PRRX1: variants seen among roughly 807,000 people sequenced by gnomAD.
PRRX1 encodes the protein paired related homeobox 1.
In PRRX1, 8 loss-of-function variants were observed where a neutral mutation model predicts 24.0. That is an observed-to-expected ratio of 0.33 (90% confidence interval 0.20 to 0.60). The LOEUF (loss-of-function observed/expected upper bound fraction) is 0.60. Among genes scored for constraint, PRRX1 ranks in the 20% least tolerant of loss-of-function variants. The pLI is 0.82. For missense variants in PRRX1, 281 were observed against 322.4 expected (o/e 0.87, Z 0.98); for synonymous variants, 160 against 131.7 (o/e 1.22, Z -1.47).
intron 1 of PRRX1, among the ~76,000 whole-genome samples, chr1:170,695,901 A>G (rs1299411932): frequency 6.6e-6 from 1 of 152,082 alleles, no homozygotes; most frequent in East Asian, 1.9e-4. Context: ...TGCATAGCAC[A>G]TGCTTGGAGC....
chr1:170,725,204 T>C (rs1444986419), intron 2 of PRRX1, among the ~76,000 whole-genome samples: 1 of 152,192 alleles, frequency 6.6e-6, no homozygotes, highest in Non-Finnish European at 1.5e-5. Flanking sequence ...GTTTTCTAGA[T>C]ACAGGATCAG....
rs1241390485 is a variant in PRRX1, at chr1:170,726,295, C to A, written c.493C>A (p.Leu165Ile). ...GCTAGCCAATAAAAACGCTTCCCTCCTCAAATCCTACTCAGGAGACGTGAC... is the reference window on the plus strand; with the variant it reads ...GCTAGCCAATAAAAACGCTTCCCTCATCAAATCCTACTCAGGAGACGTGAC... ...AMLANKNASLLKSYSGDVTAV... is the reference protein window; with the variant it reads ...AMLANKNASLIKSYSGDVTAV... The change falls in exon 3 of 4, where the codon CTC (leucine) becomes ATC (isoleucine). Residue 165 changes from leucine to isoleucine, a missense_variant. Physicochemically the swap from Leu to Ile is conservative, Grantham distance 5. Coordinates refer to ENST00000239461, the MANE Select transcript of PRRX1 (RefSeq NM_022716.4). The A allele has an allele frequency of 6.2e-7, 1 of 1,614,072 alleles. No individual in the cohort carries two copies.
At chr1:170,696,425 C>T (rs968118120) in intron 1 of PRRX1, among the ~76,000 whole-genome samples, 1 of 152,076 alleles carries the variant, frequency 6.6e-6, no homozygotes, top group African/African-American at 2.4e-5. Context: ...GAAAAGATAA[C>T]ATAAGGTGCA....
chr1:170,737,978 T>C lies in PRRX1; in HGVS notation c.*1792T>C, dbSNP rs950823625. The C allele has an allele frequency of 9.2e-6, 2 of 218,298 alleles. No homozygotes were observed. Among genetic ancestry groups the C allele is most frequent in the African/African-American group, 4.5e-5 (2 of 44,534 alleles). The allele number at this position is 218,298 out of a possible 1,614,324, so 13.5% of individuals were successfully genotyped here. A position where few individuals can be genotyped will look rare whatever the true frequency, so the allele number is the denominator to read the frequency against. On this transcript the variant is annotated 3_prime_UTR_variant, in exon 4 of 4. Transcript: ENST00000239461. ...GCCTTGTTTTCTAGTAAGAAAATGC[T>C]ACCTTGCTGTACATACTTATAACCT...
At chr1:170,715,715 G>A (rs2101914443) in intron 1 of PRRX1, among the ~76,000 whole-genome samples, 1 of 152,314 alleles carries the variant, frequency 6.6e-6, no homozygotes, top group Middle Eastern at 3.4e-3. Flanking sequence ...AAAGAAGAAT[G>A]CAAGAACATC....
intron 1 of PRRX1, among the ~76,000 whole-genome samples, chr1:170,703,424 C>CA (rs1426932849): frequency 2.6e-5 from 4 of 152,112 alleles, no homozygotes; most frequent in African/African-American, 9.7e-5. Context: ...AGGTTCTTAG[C>CA]AAGTAGTTAG....
At position 170,691,224 on chromosome 1, in the gene PRRX1, G is replaced by A. The variant is rs115090303; in HGVS notation, c.241+26765G>A. On this transcript the variant is annotated intron_variant, in intron 1 of 3. Transcript: ENST00000239461. Reference sequence around the variant, plus strand: ...ATAAATGAAAGAAATAAAGCAGATGGGTTGCATGTTTGCAACCAAAGAGTG... The same window carrying A: ...ATAAATGAAAGAAATAAAGCAGATGAGTTGCATGTTTGCAACCAAAGAGTG... Among the ~76,000 whole-genome samples the A allele has an allele frequency of 7.7e-3, 1,177 of 152,144 alleles. 16 individuals are homozygous for A. Among genetic ancestry groups the A allele is most frequent in the African/African-American group, 0.027 (1,115 of 41,504 alleles).
intron 3 of PRRX1, among the ~76,000 whole-genome samples, chr1:170,733,149 G>A (rs780042748): frequency 2.6e-5 from 4 of 152,118 alleles, no homozygotes; most frequent in Non-Finnish European, 4.4e-5. Context: ...TCCAAGAAAT[G>A]TGTTACCCTG....
Position 170,737,823 on chromosome 1 carries a change from T to C in PRRX1, c.*1637T>C, listed in dbSNP as rs1655672422. On this transcript the variant is annotated 3_prime_UTR_variant, in exon 4 of 4. Transcript: ENST00000239461. ...ATAATACTTACCTACCTCACAGGGG[T>C]GTTGTGAGGCTCTATTCATTTGCTC... 1 of 215,144 alleles carries C rather than the reference T, an allele frequency of 4.6e-6. No individual in the cohort carries two copies. Among genetic ancestry groups the C allele is most frequent in the African/African-American group, 2.3e-5 (1 of 44,210 alleles). The allele number at this position is 215,144 out of a possible 1,614,324, so 13.3% of individuals were successfully genotyped here. A position where few individuals can be genotyped will look rare whatever the true frequency, so the allele number is the denominator to read the frequency against.
intron 2 of PRRX1, among the ~76,000 whole-genome samples, chr1:170,723,538 T>C (rs569493777): frequency 3.3e-5 from 5 of 152,176 alleles, no homozygotes; most frequent in African/African-American, 1.2e-4. Flanking sequence ...AATGAGTAAA[T>C]GAATGAGTAG....
At chr1:170,671,475 A>C (rs895430122) in intron 1 of PRRX1, among the ~76,000 whole-genome samples, 1 of 152,196 alleles carries the variant, frequency 6.6e-6, no homozygotes, top group Non-Finnish European at 1.5e-5. Context: ...TCCGCCGGGT[A>C]AATTAGCGGC....
intron 1 of PRRX1, among the ~76,000 whole-genome samples, chr1:170,676,554 C>T (rs928530543): frequency 2.0e-5 from 3 of 151,980 alleles, no homozygotes; most frequent in Admixed American, 1.3e-4. Context: ...TAATAAAATT[C>T]TTAATATGAA....
intron 2 of PRRX1, among the ~76,000 whole-genome samples, chr1:170,723,272 G>A (rs186244693): frequency 3.9e-5 from 6 of 152,186 alleles, no homozygotes; most frequent in East Asian, 1.9e-4. Context: ...CACTGATCAC[G>A]TGGTAATTTA....
rs1655024878 is a variant in PRRX1 at position 170,719,845 on chromosome 1, G to A, written c.361G>A (p.Ala121Thr). 6.2e-7 allele frequency: 1 copy of A among 1,614,204 alleles called. No homozygotes were observed. Among genetic ancestry groups the A allele is most frequent in the Non-Finnish European group, 8.5e-7 (1 of 1,180,044 alleles). Residue 121 changes from alanine (A) to threonine (T), a missense_variant, in exon 2 of 4, where the codon GCT (alanine) becomes ACT (threonine). Coordinates refer to ENST00000239461, the MANE Select transcript of PRRX1 (RefSeq NM_022716.4). ...RVFERTHYPD[A>T]FVREDLARRV... ...CTTTGAGCGGACACACTATCCTGATGCTTTTGTGCGAGAAGACCTTGCCCG... is the reference window on the plus strand; with the variant it reads ...CTTTGAGCGGACACACTATCCTGATACTTTTGTGCGAGAAGACCTTGCCCG...
intron 1 of PRRX1, among the ~76,000 whole-genome samples, chr1:170,700,522 A>G (rs1654320529): frequency 6.6e-6 from 1 of 152,190 alleles, no homozygotes; most frequent in South Asian, 2.1e-4. Flanking sequence ...AGACCTATAC[A>G]GGGGAGAAAG....
chr1:170,692,713 CCTCTCTCTCT>C (rs375918496), intron 1 of PRRX1, among the ~76,000 whole-genome samples: 1 of 139,032 alleles, frequency 7.2e-6, no homozygotes, highest in Non-Finnish European at 1.5e-5. Flanking sequence ...ACTAACAAAT[CCTCTCTCTCT>C]CTCTCTCTCT....
intron 1 of PRRX1, among the ~76,000 whole-genome samples, chr1:170,717,901 G>A (rs1654958208): frequency 6.6e-6 from 1 of 152,152 alleles, no homozygotes; most frequent in Admixed American, 6.5e-5. Flanking sequence ...AATATTTTAG[G>A]CATTGGTAGA....
chr1:170,691,907 C>T (rs1653996545), intron 1 of PRRX1, among the ~76,000 whole-genome samples: 1 of 152,026 alleles, frequency 6.6e-6, no homozygotes, highest in Non-Finnish European at 1.5e-5. Context: ...TGAGGGGAAG[C>T]AGTGTTCTCT....
At chr1:170,705,935 T>TACACAC (rs71125270) in intron 1 of PRRX1, among the ~76,000 whole-genome samples, 4,583 of 146,476 alleles carry the variant, frequency 0.031, 104 homozygotes, top group South Asian at 0.077. Flanking sequence ...CACACACACA[T>TACACAC]ACACACACAC....
Sources: gnomAD v4.1 joint callset for allele counts (sites outside exome capture counted in the v4.1 genomes callset) on GRCh38, gnomAD v4.1.1 for gene constraint, MANE v1.5 for transcripts, NCBI Gene and HGNC (gene_info 2026-07-23, HGNC 2026-07-21) for gene names.